Variants in SPAG16 observed in about 807,000 individuals in gnomAD.
SPAG16 encodes the protein sperm-associated antigen 16 protein.
In SPAG16, 86 loss-of-function variants were observed where a neutral mutation model predicts 80.4. The observed-to-expected ratio is 1.07, with a 90% CI of 0.90 to 1.28. SPAG16 has a LOEUF of 1.28. Among genes scored for constraint, SPAG16 ranks in the 50% most tolerant of loss-of-function variants. SPAG16 has a pLI of 0.00. For synonymous variants in SPAG16, 294 were observed against 265.9 expected (o/e 1.11, Z -1.03); for missense variants, 870 against 765.3 (o/e 1.14, Z -1.61).
At chr2:214,301,424 C>T (rs1230104473) in intron 15 of SPAG16, among the ~76,000 whole-genome samples, 1 of 152,006 alleles carries the variant, frequency 6.6e-6, no homozygotes, top group African/African-American at 2.4e-5. Flanking sequence ...GGAATATCCA[C>T]TCTCACCACT....
At chr2:214,087,032 A>C (rs2051816970) in intron 13 of SPAG16, among the ~76,000 whole-genome samples, 1 of 151,862 alleles carries the variant, frequency 6.6e-6, no homozygotes, top group Non-Finnish European at 1.5e-5. Context: ...CTTTCTTGTG[A>C]TTTTTCATTC....
At chr2:213,693,433 G>A (rs191668114) in intron 10 of SPAG16, among the ~76,000 whole-genome samples, 5 of 152,272 alleles carry the variant, frequency 3.3e-5, no homozygotes, top group Admixed American at 1.3e-4. Flanking sequence ...TGTTTGCTTC[G>A]TAGACAGAAC....
At chr2:214,083,725 G>C (rs2051535004) in intron 13 of SPAG16, among the ~76,000 whole-genome samples, 1 of 152,100 alleles carries the variant, frequency 6.6e-6, no homozygotes, top group Non-Finnish European at 1.5e-5. Flanking sequence ...TACATGTGCA[G>C]ATTTGTTACA....
At chr2:213,905,761 A>G (rs925541447) in intron 11 of SPAG16, among the ~76,000 whole-genome samples, 7 of 152,282 alleles carry the variant, frequency 4.6e-5, no homozygotes, top group Admixed American at 3.3e-4. Context: ...GGAGAGGGCA[A>G]ATGTTGGGAA....
chr2:213,584,347 G>A (rs1031403421), intron 10 of SPAG16, among the ~76,000 whole-genome samples: 4 of 152,168 alleles, frequency 2.6e-5, no homozygotes, highest in Admixed American at 6.5e-5. Context: ...TACAACTGCA[G>A]TGGAAATATA....
chr2:213,825,701 CTTTTTTTTTTT>C (rs55777958), intron 10 of SPAG16, among the ~76,000 whole-genome samples: 57 of 109,794 alleles, frequency 5.2e-4, no homozygotes, highest in African/African-American at 2.0e-3. Context: ...TTCTTTCTTT[CTTTTTTTTTTT>C]TTTTTTTTTT....
chr2:214,327,342 C>T (rs1696567428), intron 15 of SPAG16, among the ~76,000 whole-genome samples: 1 of 152,162 alleles, frequency 6.6e-6, no homozygotes, highest in South Asian at 2.1e-4. Context: ...CTCTACCATC[C>T]AGGTGCAGTG....
intron 9 of SPAG16, among the ~76,000 whole-genome samples, chr2:213,397,635 T>C (rs930885041): frequency 8.5e-5 from 13 of 152,202 alleles, no homozygotes; most frequent in African/African-American, 2.4e-4. Context: ...TGACAGCCTC[T>C]CCTCCAGTGA....
intron 14 of SPAG16, among the ~76,000 whole-genome samples, chr2:214,111,849 T>C (rs1279782526): frequency 1.3e-5 from 2 of 152,342 alleles, no homozygotes; most frequent in East Asian, 1.9e-4. Context: ...ATATCCCTTG[T>C]GAGTTGGATT....
chr2:214,129,892 G>C (rs2054676354), intron 14 of SPAG16, among the ~76,000 whole-genome samples: 1 of 151,958 alleles, frequency 6.6e-6, no homozygotes, highest in Admixed American at 6.6e-5. Context: ...TGGTTTTTCT[G>C]AACTCTGAAA....
rs1449888515 is a variant in SPAG16, at chr2:214,325,197, C to G, written c.1721-84943C>G. On this transcript the variant is annotated intron_variant, in intron 15 of 15. Transcript: ENST00000331683. ...ACCCTTTGTACTAACTAGAAAGGAT[C>G]TGAATTATTTCTCAAAGCATAATAT... Among the ~76,000 whole-genome samples the G allele has an allele frequency of 1.1e-4, 17 of 152,270 alleles. No homozygotes were observed. The East Asian group carries it at 3.3e-3, about 29-fold the overall frequency.
At chr2:213,625,405 C>T (rs1474003) in intron 10 of SPAG16, among the ~76,000 whole-genome samples, 62,091 of 151,746 alleles carry the variant, frequency 0.41, 13,215 homozygotes, top group Middle Eastern at 0.51. Context: ...TATCAAAACA[C>T]CTCGTGTACC....
chr2:213,835,699 G>A (rs1162539747), intron 10 of SPAG16, among the ~76,000 whole-genome samples: 6 of 152,046 alleles, frequency 3.9e-5, no homozygotes, highest in Non-Finnish European at 1.5e-5. Flanking sequence ...ATAATAATAT[G>A]TACTGATTTG....
At chr2:214,196,950 G>A (rs964113900) in intron 15 of SPAG16, among the ~76,000 whole-genome samples, 1 of 151,964 alleles carries the variant, frequency 6.6e-6, no homozygotes, top group Non-Finnish European at 1.5e-5. Flanking sequence ...AATCTAAGTG[G>A]AGGGAAGACC....
At chr2:214,045,918 A>G (rs1266843248) in intron 13 of SPAG16, among the ~76,000 whole-genome samples, 23 of 152,056 alleles carry the variant, frequency 1.5e-4, no homozygotes, top group Admixed American at 1.5e-3. Context: ...TGGAACAAAA[A>G]GACAGTTTTT....
chr2:213,826,327 C>T (rs1167527802), intron 10 of SPAG16, among the ~76,000 whole-genome samples: 1 of 151,466 alleles, frequency 6.6e-6, no homozygotes, highest in Non-Finnish European at 1.5e-5. Context: ...CTTTAAGATA[C>T]ATCATGAGGT....
chr2:213,633,579 T>G (rs1257641688), intron 10 of SPAG16, among the ~76,000 whole-genome samples: 2 of 152,138 alleles, frequency 1.3e-5, no homozygotes, highest in Non-Finnish European at 2.9e-5. Flanking sequence ...GTTTCTTTAT[T>G]GATATAGTGC....
chr2:213,891,211 A>T (rs1320374194), intron 11 of SPAG16, among the ~76,000 whole-genome samples: 2 of 152,194 alleles, frequency 1.3e-5, no homozygotes, highest in East Asian at 3.9e-4. Context: ...TATAATTACA[A>T]TTCTTAAGTC....
intron 9 of SPAG16, among the ~76,000 whole-genome samples, chr2:213,411,722 G>T (rs913757474): frequency 6.6e-6 from 1 of 151,990 alleles, no homozygotes; most frequent in South Asian, 2.1e-4. Flanking sequence ...TATTTCCCTC[G>T]CAGCCGTAAT....
Sources: gnomAD v4.1 joint callset for allele counts (sites outside exome capture counted in the v4.1 genomes callset) on GRCh38, gnomAD v4.1.1 for gene constraint, MANE v1.5 for transcripts, NCBI Gene and HGNC (gene_info 2026-07-23, HGNC 2026-07-21) for gene names.